MZT1: variants seen among roughly 807,000 people sequenced by gnomAD.
The protein encoded by MZT1 is mitotic spindle organizing protein 1, also known as mitotic-spindle organizing protein 1.
MZT1 carries 8 observed loss-of-function variants against 8.5 expected under a neutral mutation model. The observed-to-expected ratio is 0.94, with a 90% CI of 0.55 to 1.70. MZT1 has a LOEUF of 1.70. Among genes scored for constraint, MZT1 ranks in the 40% most tolerant of loss-of-function variants. MZT1 has a pLI of 0.00. For missense variants in MZT1, 93 were observed against 108.6 expected (o/e 0.86, Z 0.64); for synonymous variants, 38 against 42.0 (o/e 0.90, Z 0.37).
chr13:72,722,341 A>G (rs979020014), intron 1 of MZT1, among the ~76,000 whole-genome samples: 5 of 152,222 alleles, frequency 3.3e-5, no homozygotes, highest in Admixed American at 3.3e-4. Context: ...AATGGTATCC[A>G]TTTGTTTTGC....
At chr13:72,711,008 C>T (rs954481279) in intron 2 of MZT1, among the ~76,000 whole-genome samples, 5 of 152,074 alleles carry the variant, frequency 3.3e-5, no homozygotes, top group African/African-American at 1.2e-4. Context: ...CTTTCTAACT[C>T]CTTTTTATAA....
intron 2 of MZT1, among the ~76,000 whole-genome samples, chr13:72,716,186 G>A (rs897236304): frequency 2.6e-5 from 4 of 152,142 alleles, no homozygotes; most frequent in Non-Finnish European, 5.9e-5. Context: ...AAAGTACTGG[G>A]ATTACTGGCT....
chr13:72,725,230 G>A (rs901961264), intron 1 of MZT1, among the ~76,000 whole-genome samples: 11 of 152,108 alleles, frequency 7.2e-5, no homozygotes, highest in African/African-American at 2.7e-4. Flanking sequence ...ACCATACACA[G>A]TGGGTTGCGA....
At chr13:72,721,943 C>A (rs2032597026) in intron 1 of MZT1, among the ~76,000 whole-genome samples, 1 of 152,168 alleles carries the variant, frequency 6.6e-6, no homozygotes, top group Non-Finnish European at 1.5e-5. Flanking sequence ...TTCATATTAT[C>A]TGCTGAATTT....
At chr13:72,727,502 A>T in intron 1 of MZT1, 22 bp downstream of exon 1, 11 of 1,612,458 alleles carry the variant, frequency 6.8e-6, no homozygotes, top group Non-Finnish European at 8.5e-6. Context: ...CGCAAGGTAA[A>T]GGGAGCGCAA....
rs184411502 is a variant in MZT1 at position 72,714,365 on chromosome 13, C to A, written c.226-4020G>T. Among the ~76,000 whole-genome samples, 3 of 152,130 alleles carry A rather than the reference C, an allele frequency of 2.0e-5. No individual in the cohort carries two copies. In the East Asian group the frequency reaches 5.8e-4, roughly 29 times the overall value. On this transcript the variant is annotated intron_variant, in intron 2 of 2. Coordinates refer to ENST00000377818, the MANE Select transcript of MZT1 (RefSeq NM_001071775.3). The stretch of plus-strand genomic sequence containing the variant: ...ACTTATACTTAAAGGGGAGGCAGAG[C>A]ATAAAAGTTTAGAAAATGTGCAACC...
At chr13:72,715,364 C>T (rs1386974335) in intron 2 of MZT1, among the ~76,000 whole-genome samples, 1 of 152,080 alleles carries the variant, frequency 6.6e-6, no homozygotes, top group Non-Finnish European at 1.5e-5. Flanking sequence ...TTTACAGGCT[C>T]ATAGGTGGAA....
chr13:72,723,123 G>A (rs1269382589), intron 1 of MZT1, among the ~76,000 whole-genome samples: 1 of 151,868 alleles, frequency 6.6e-6, no homozygotes, highest in Admixed American at 6.6e-5. Context: ...TCTCTTCATG[G>A]TAGACCCCCC....
rs199571360 is a variant in MZT1 at position 72,724,750 on chromosome 13, A to ATGTG, written c.79+2773_79+2774insCACA. 9.6e-3 allele frequency among the ~76,000 whole-genome samples: 354 copies of ATGTG among 36,826 alleles called. 26 individuals are homozygous for ATGTG. The highest frequency in any genetic ancestry group is 0.025 in the South Asian group (19 of 760). 24.2% of individuals were successfully genotyped at this position (36,826 alleles called of 152,430 possible). On this transcript the variant is annotated intron_variant, in intron 1 of 2. Transcript: ENST00000377818. Reference sequence around the variant, plus strand: ...TATATATATATATATACACATATATATATGTAAAGTGGTGCTACAGGCCGG... The same window carrying ATGTG: ...TATATATATATATATACACATATATATGTGTATGTAAAGTGGTGCTACAGGCCGG...
Position 72,709,750 on chromosome 13 carries a change from T to C in MZT1, c.*572A>G, listed in dbSNP as rs2032468682. The C allele has an allele frequency of 6.6e-6, 1 of 152,046 alleles. No individual in the cohort carries two copies. The highest frequency in any genetic ancestry group is 1.5e-5 in the Non-Finnish European group (1 of 67,950). 9.4% of individuals were successfully genotyped at this position (152,046 alleles called of 1,614,324 possible). A position where few individuals can be genotyped will look rare whatever the true frequency, so the allele number is the denominator to read the frequency against. ...AAACTAAATATTCTTTGTTCAAGAG[T>C]AGATTACAAGAAATGTTTTCCATGC... On this transcript the variant is annotated 3_prime_UTR_variant, in exon 3 of 3. Coordinates refer to ENST00000377818, the MANE Select transcript of MZT1 (RefSeq NM_001071775.3).
intron 1 of MZT1, among the ~76,000 whole-genome samples, chr13:72,724,458 G>A (rs1373838585): frequency 2.7e-5 from 4 of 149,486 alleles, no homozygotes; most frequent in Non-Finnish European, 5.9e-5. Flanking sequence ...AGCATGGACT[G>A]TTTCGCTGGT....
At chr13:72,722,101 CTG>C (rs1195358548) in intron 1 of MZT1, among the ~76,000 whole-genome samples, 13 of 152,210 alleles carry the variant, frequency 8.5e-5, no homozygotes, top group Non-Finnish European at 1.6e-4. Flanking sequence ...TATTCTTAAA[CTG>C]TATTTGAGAT....
intron 1 of MZT1, among the ~76,000 whole-genome samples, chr13:72,722,990 C>T (rs1475820814): frequency 1.3e-5 from 2 of 152,082 alleles, no homozygotes; most frequent in African/African-American, 4.8e-5. Flanking sequence ...AAGTGGTTAC[C>T]ATCAGTATAC....
chr13:72,721,643 G>C, intron 1 of MZT1, among the ~76,000 whole-genome samples: 1 of 152,182 alleles, frequency 6.6e-6, no homozygotes, highest in Non-Finnish European at 1.5e-5. Context: ...CTGCTATACT[G>C]AGGCCTGGAA....
intron 2 of MZT1, among the ~76,000 whole-genome samples, chr13:72,712,031 A>AT (rs141765825): frequency 1.6e-4 from 24 of 151,960 alleles, no homozygotes; most frequent in South Asian, 4.2e-4. Context: ...ATCTTGAGTG[A>AT]TTTTTTTTTA....
chr13:72,712,758 C>A (rs186995697), intron 2 of MZT1, among the ~76,000 whole-genome samples: 21 of 152,294 alleles, frequency 1.4e-4, no homozygotes, highest in Non-Finnish European at 1.6e-4. Context: ...TTGTCAGTCA[C>A]CTGCCTCAGC....
At chr13:72,727,000 G>A (rs1426006711) in intron 1 of MZT1, among the ~76,000 whole-genome samples, 6 of 152,226 alleles carry the variant, frequency 3.9e-5, no homozygotes. Context: ...TATGACCAAA[G>A]GGGAACTTGT....
rs2032475831 is a variant in MZT1, at chr13:72,710,288, G to A, written c.*34C>T. 2 of 1,610,024 alleles carry A rather than the reference G, an allele frequency of 1.2e-6. No individual in the cohort carries two copies. The highest frequency in any genetic ancestry group is 2.7e-5 in the African/African-American group (2 of 74,916). On this transcript the variant is annotated 3_prime_UTR_variant, in exon 3 of 3. Transcript: ENST00000377818. Reference sequence around the variant, plus strand: ...TGCAATCTTCAAACCCTCTTGCAGAGCTTGACATATCTCATCAGAATTTCT... The same window carrying A: ...TGCAATCTTCAAACCCTCTTGCAGAACTTGACATATCTCATCAGAATTTCT...
At chr13:72,712,940 C>T (rs1296269927) in intron 2 of MZT1, among the ~76,000 whole-genome samples, 1 of 152,136 alleles carries the variant, frequency 6.6e-6, no homozygotes, top group Non-Finnish European at 1.5e-5. Context: ...TTCAGAAATA[C>T]ACTGATAAAA....
Sources: gnomAD v4.1 joint callset for allele counts (sites outside exome capture counted in the v4.1 genomes callset) on GRCh38, gnomAD v4.1.1 for gene constraint, MANE v1.5 for transcripts, NCBI Gene and HGNC (gene_info 2026-07-23, HGNC 2026-07-21) for gene names.